Variants in PPM1H observed in about 807,000 individuals in gnomAD.
PPM1H encodes the protein protein phosphatase 1H.
A neutral mutation model predicts 54.9 loss-of-function variants in PPM1H; 27 were observed. The observed-to-expected ratio is 0.49, with a 90% confidence interval of 0.36 to 0.68. The LOEUF is 0.68. PPM1H is among the 30% of genes least tolerant of loss of function. The pLI is 0.00. For missense variants in PPM1H, 596 were observed against 667.8 expected (o/e 0.89, Z 1.19); for synonymous variants, 305 against 270.8 (o/e 1.13, Z -1.24).
intron 3 of PPM1H, among the ~76,000 whole-genome samples, chr12:62,790,685 G>C (rs1164406902): frequency 1.3e-5 from 2 of 152,182 alleles, no homozygotes; most frequent in East Asian, 3.8e-4. Context: ...TGCGGGAGGG[G>C]AACTGGAGAG....
intron 5 of PPM1H, 50 bp from the exon 6 acceptor site, chr12:62,720,339 A>C (rs2076257030): frequency 7.3e-7 from 1 of 1,370,760 alleles, no homozygotes; most frequent in South Asian, 1.2e-5. Context: ...GTATTTAGAG[A>C]AACAAAATAA....
intron 4 of PPM1H, among the ~76,000 whole-genome samples, chr12:62,739,124 G>C (rs1288379674): frequency 6.6e-6 from 1 of 151,782 alleles, no homozygotes; most frequent in South Asian, 2.1e-4. Flanking sequence ...AAAAGTTTAG[G>C]GGAACTGACT....
Position 62,834,357 on chromosome 12 carries a change from C to G in PPM1H, c.246-2078G>C, listed in dbSNP as rs556392641. 1.8e-3 allele frequency among the ~76,000 whole-genome samples: 270 copies of G among 152,272 alleles called. 1 individual carries two copies. Among genetic ancestry groups the G allele is most frequent in the South Asian group, 3.1e-3 (15 of 4,828 alleles). On this transcript the variant is annotated intron_variant, in intron 1 of 9. Transcript: ENST00000228705. The stretch of plus-strand genomic sequence containing the variant: ...AAATATTAGGGACACAATGAGGCTA[C>G]CTGCATGATGGTTAATCCTACCGCA...
intron 3 of PPM1H, among the ~76,000 whole-genome samples, chr12:62,791,921 T>C (rs954423449): frequency 2.6e-5 from 4 of 152,214 alleles, no homozygotes; most frequent in African/African-American, 9.6e-5. Context: ...AGAGCGAGAC[T>C]TCATCTCAAA....
At chr12:62,838,054 G>A (rs1009835557) in intron 1 of PPM1H, among the ~76,000 whole-genome samples, 4 of 152,238 alleles carry the variant, frequency 2.6e-5, no homozygotes, top group Non-Finnish European at 2.9e-5. Context: ...CACCCACATC[G>A]GCTCTGGGCC....
chr12:62,801,913 C>T lies in PPM1H; in HGVS notation c.659G>A (p.Gly220Asp). 6.2e-7 allele frequency: 1 copy of T among 1,613,424 alleles called. No homozygotes were observed. Among genetic ancestry groups the T allele is most frequent in the Non-Finnish European group, 8.5e-7 (1 of 1,179,640 alleles). Residue 220 changes from glycine to aspartate, a missense_variant, in exon 3 of 10, where the codon GGC (glycine) becomes GAC (aspartate). Transcript: ENST00000228705. ...GCGTGTGGGGGGCGTGCTGGGGGAG[C>T]CCGGGGCCCCCACCCCTCCGCGCAG... ...ASLRGGVGAP[G>D]SPSTPPTRFF...
chr12:62,715,451 A>C (rs999812277), intron 6 of PPM1H, among the ~76,000 whole-genome samples: 2 of 150,828 alleles, frequency 1.3e-5, no homozygotes, highest in African/African-American at 4.9e-5. Flanking sequence ...GAGAGGGGGA[A>C]GGGGAGGTGG....
At chr12:62,902,769 T>G (rs917556139) in intron 1 of PPM1H, among the ~76,000 whole-genome samples, 1 of 152,200 alleles carries the variant, frequency 6.6e-6, no homozygotes, top group African/African-American at 2.4e-5. Context: ...GACTCAATAA[T>G]AGGTTGAGGC....
intron 8 of PPM1H, among the ~76,000 whole-genome samples, chr12:62,685,357 A>G (rs1245784260): frequency 6.6e-6 from 1 of 152,214 alleles, no homozygotes; most frequent in Non-Finnish European, 1.5e-5. Context: ...CACCCTCATC[A>G]GAGCCCCTTG....
chr12:62,799,795 C>A (rs2076755832), intron 3 of PPM1H, among the ~76,000 whole-genome samples: 1 of 152,104 alleles, frequency 6.6e-6, no homozygotes. Flanking sequence ...GTTGCACAAG[C>A]TGGAATACAG....
chr12:62,857,861 T>C (rs373947101), intron 1 of PPM1H, among the ~76,000 whole-genome samples: 24 of 152,220 alleles, frequency 1.6e-4, no homozygotes, highest in African/African-American at 5.8e-4. Flanking sequence ...GAAGGCACAG[T>C]TAGTTTTCTT....
Position 62,648,445 on chromosome 12 carries a change from C to T in PPM1H, c.*44G>A. 6.2e-7 allele frequency: 1 copy of T among 1,607,484 alleles called. No individual in the cohort carries two copies. Among genetic ancestry groups the T allele is most frequent in the Non-Finnish European group, 8.5e-7 (1 of 1,175,738 alleles). On this transcript the variant is annotated 3_prime_UTR_variant, in exon 10 of 10. Transcript: ENST00000228705. ...CCAGTTCCGTCCTGCCAAGAGGCAT[C>T]CCAGCTTTCTTCCCCTCTGTCCTCC...
intron 4 of PPM1H, among the ~76,000 whole-genome samples, chr12:62,754,683 A>G (rs980858286): frequency 6.6e-6 from 1 of 152,184 alleles, no homozygotes; most frequent in African/African-American, 2.4e-5. Flanking sequence ...CTCATTCCCA[A>G]TGCTTCTCTC....
At chr12:62,858,216 C>A (rs117720185) in intron 1 of PPM1H, among the ~76,000 whole-genome samples, 1 of 152,050 alleles carries the variant, frequency 6.6e-6, no homozygotes, top group East Asian at 1.9e-4. Flanking sequence ...TATCTTTCTA[C>A]CCTATTAAAT....
intron 1 of PPM1H, among the ~76,000 whole-genome samples, chr12:62,839,662 CA>C (rs34178089): frequency 0.27 from 35,171 of 131,086 alleles, 4,954 homozygotes; most frequent in African/African-American, 0.43. Context: ...TGAGTAAATC[CA>C]AAAAAAAAAA....
At chr12:62,721,244 G>A (rs2076262151) in intron 5 of PPM1H, among the ~76,000 whole-genome samples, 1 of 152,198 alleles carries the variant, frequency 6.6e-6, no homozygotes, top group South Asian at 2.1e-4. Flanking sequence ...AATGCCGGCG[G>A]ATCTCTCACT....
intron 5 of PPM1H, among the ~76,000 whole-genome samples, chr12:62,726,775 T>G (rs1455530319): frequency 1.3e-5 from 2 of 152,252 alleles, no homozygotes; most frequent in Admixed American, 6.5e-5. Context: ...TGTACTGGTC[T>G]GTGCCTCTGG....
intron 1 of PPM1H, among the ~76,000 whole-genome samples, chr12:62,843,711 C>T (rs1443104571): frequency 6.6e-6 from 1 of 152,174 alleles, no homozygotes; most frequent in Non-Finnish European, 1.5e-5. Context: ...CCCCTTACTA[C>T]TTCAGTCTTT....
chr12:62,883,916 T>A (rs558769125), intron 1 of PPM1H, among the ~76,000 whole-genome samples: 1 of 152,078 alleles, frequency 6.6e-6, no homozygotes, highest in Admixed American at 6.5e-5. Context: ...GAGTCTGAGG[T>A]CTATTTCTTA....
Sources: gnomAD v4.1 joint callset for allele counts (sites outside exome capture counted in the v4.1 genomes callset) on GRCh38, gnomAD v4.1.1 for gene constraint, MANE v1.5 for transcripts, NCBI Gene and HGNC (gene_info 2026-07-23, HGNC 2026-07-21) for gene names.